NEDD4L: variants seen among roughly 807,000 people sequenced by gnomAD.
NEDD4L encodes the protein E3 ubiquitin-protein ligase NEDD4-like.
Under a neutral mutation model 148.9 loss-of-function variants are expected in NEDD4L, and 54 were observed. That is an observed-to-expected ratio of 0.36 (90% CI 0.29 to 0.45). The LOEUF (loss-of-function observed/expected upper bound fraction) is 0.45, where lower values mean the gene tolerates loss of function less well. Among genes scored for constraint, NEDD4L ranks in the 20% least tolerant of loss-of-function variants. The pLI, the probability that NEDD4L is intolerant of heterozygous loss-of-function variation, is 1.00. For synonymous variants in NEDD4L, 433 were observed against 440.7 expected (o/e 0.98, Z 0.22); for missense variants, 856 against 1,233.8 (o/e 0.69, Z 4.59).
intron 5 of NEDD4L, chr18:58,255,982 C>A: frequency 1.6e-6 from 2 of 1,230,862 alleles, no homozygotes; most frequent in Middle Eastern, 3.1e-4. Flanking sequence ...AGGGCGCCGA[C>A]GATGGGCCTC....
At position 58,316,026 on chromosome 18, in the gene NEDD4L, C is replaced by T. The variant is rs779541843; in HGVS notation, c.342C>T (p.His114=). 9 of 1,613,110 alleles carry T rather than the reference C, an allele frequency of 5.6e-6. No individual in the cohort carries two copies. The highest frequency in any genetic ancestry group is 6.8e-6 in the Non-Finnish European group (8 of 1,179,048). The change falls in exon 6 of 31, where the codon CAC becomes CAT. Residue 114 remains histidine (H), a synonymous_variant. Coordinates refer to ENST00000400345, the MANE Select transcript of NEDD4L (RefSeq NM_001144967.3). ...FLGQVDVPLS[H]LPTEDPTMER... ...GCCAGGTGGACGTGCCCCTTAGTCA[C>T]CTTCCGGTAAGGACAGTCTCATGTT... is the stretch of plus-strand genomic sequence containing the variant.
At chr18:58,195,469 A>T in intron 2 of NEDD4L, 11 of 1,334,038 alleles carry the variant, frequency 8.2e-6, no homozygotes, top group Non-Finnish European at 1.1e-5. Context: ...CAACCCAGAC[A>T]GGCTTAAGCC....
At chr18:58,222,142 T>C (rs1331226200) in intron 2 of NEDD4L, among the ~76,000 whole-genome samples, 1 of 152,212 alleles carries the variant, frequency 6.6e-6, no homozygotes, top group African/African-American at 2.4e-5. Flanking sequence ...ATGAATGAGG[T>C]TTTCTGTTTT....
At chr18:58,318,080 T>A (rs542582895) in intron 6 of NEDD4L, among the ~76,000 whole-genome samples, 2 of 152,332 alleles carry the variant, frequency 1.3e-5, no homozygotes, top group Admixed American at 6.5e-5. Context: ...ATGGGGAAAT[T>A]ACAGTGGCAT....
At position 58,061,408 on chromosome 18, in the gene NEDD4L, A is replaced by C. The variant is rs116824648; in HGVS notation, c.48+16700A>C. 2.7e-3 allele frequency among the ~76,000 whole-genome samples: 414 copies of C among 151,676 alleles called. 3 individuals carry two copies. Among genetic ancestry groups the C allele is most frequent in the African/African-American group, 9.2e-3 (380 of 41,322 alleles). The stretch of plus-strand genomic sequence containing the variant: ...GCAAGTCTTCCAGATGTCAGAATCT[A>C]CTCCTTCTGCTTACCCTGCTGCTTC... On this transcript the variant is annotated intron_variant, in intron 1 of 30. Transcript: ENST00000400345.
rs1191226455 is a variant in NEDD4L at position 58,342,937 on chromosome 18, T to C, written c.1409T>C (p.Val470Ala). 2 of 1,612,254 alleles carry C rather than the reference T, an allele frequency of 1.2e-6. No individual in the cohort carries two copies. The change falls in exon 16 of 31, where the codon GTG becomes GCG. Residue 470 changes from valine (V) to alanine (A), a missense_variant. Val to Ala is a moderately conservative substitution (Grantham distance 64). Coordinates refer to ENST00000400345, the MANE Select transcript of NEDD4L (RefSeq NM_001144967.3). ...GAKDSPVRRA[V>A]KDTLSNPQSP... ...AAGGACTCACCCGTACGTCGGGCTG[T>C]GAAAGACACCCTTTCCAACCCACAG...
At chr18:58,316,415 C>G (rs1601132532) in intron 6 of NEDD4L, among the ~76,000 whole-genome samples, 1 of 152,220 alleles carries the variant, frequency 6.6e-6, no homozygotes, top group African/African-American at 2.4e-5. Flanking sequence ...GATGTTTGCA[C>G]TCTTTGTCTG....
intron 11 of NEDD4L, 53 bp from the exon 12 acceptor site, chr18:58,333,765 T>G: frequency 7.7e-7 from 1 of 1,301,828 alleles, no homozygotes; most frequent in Non-Finnish European, 1.1e-6. Context: ...CCAATGAAAG[T>G]TGCTTTTAAG....
At chr18:58,267,984 T>G (rs1050691948) in intron 5 of NEDD4L, among the ~76,000 whole-genome samples, 1 of 152,046 alleles carries the variant, frequency 6.6e-6, no homozygotes, top group Non-Finnish European at 1.5e-5. Flanking sequence ...TTGCCCCTAC[T>G]GTGGGGGCCA....
chr18:58,212,663 G>T lies in NEDD4L; in HGVS notation c.123-32764G>T, dbSNP rs538065496. ...CTAGCCAATTTTTTGTGGAGACGAGGTTTCACCATATTGCTCAGGCTGGTC... is the reference window on the plus strand; with the variant it reads ...CTAGCCAATTTTTTGTGGAGACGAGTTTTCACCATATTGCTCAGGCTGGTC... On this transcript the variant is annotated intron_variant, in intron 2 of 30. Coordinates refer to ENST00000400345, the MANE Select transcript of NEDD4L (RefSeq NM_001144967.3). 3.9e-5 allele frequency among the ~76,000 whole-genome samples: 6 copies of T among 152,170 alleles called. No individual in the cohort carries two copies. In the East Asian group the frequency reaches 7.8e-4, roughly 20 times the overall value.
At chr18:58,245,180 T>C (rs759413680) in intron 2 of NEDD4L, among the ~76,000 whole-genome samples, 1 of 152,246 alleles carries the variant, frequency 6.6e-6, no homozygotes, top group Non-Finnish European at 1.5e-5. Context: ...TTGTAATCTT[T>C]TCAGACTCTG....
At chr18:58,268,364 T>C (rs1376630490) in intron 5 of NEDD4L, among the ~76,000 whole-genome samples, 1 of 151,964 alleles carries the variant, frequency 6.6e-6, no homozygotes, top group African/African-American at 2.4e-5. Flanking sequence ...TCTCAGTCAA[T>C]CTTCCCTAGA....
At chr18:58,255,963 G>C (rs931651034) in intron 5 of NEDD4L, 1 of 1,230,914 alleles carries the variant, frequency 8.1e-7, no homozygotes, top group Non-Finnish European at 1.0e-6. Context: ...GACGGGTGCG[G>C]GCCGCCCGAG....
intron 2 of NEDD4L, among the ~76,000 whole-genome samples, chr18:58,210,443 T>TTTTG (rs943007888): frequency 2.3e-4 from 35 of 152,052 alleles, no homozygotes; most frequent in African/African-American, 7.0e-4. Context: ...CCAGCTGAGG[T>TTTTG]TTTGTTTGTT....
intron 10 of NEDD4L, among the ~76,000 whole-genome samples, chr18:58,330,056 G>A (rs962380317): frequency 6.6e-6 from 1 of 152,090 alleles, no homozygotes; most frequent in Admixed American, 6.5e-5. Flanking sequence ...GTTATGGTAT[G>A]TTACTTAAAA....
intron 26 of NEDD4L, among the ~76,000 whole-genome samples, chr18:58,387,199 T>C (rs1242444358): frequency 1.3e-5 from 2 of 152,248 alleles, no homozygotes; most frequent in Non-Finnish European, 2.9e-5. Flanking sequence ...CATATTTTCA[T>C]CAGGTTTCAG....
chr18:58,113,219 G>A (rs1469644772), intron 1 of NEDD4L, among the ~76,000 whole-genome samples: 1 of 152,184 alleles, frequency 6.6e-6, no homozygotes, highest in East Asian at 1.9e-4. Flanking sequence ...TTGTATATTT[G>A]GTCAACACAC....
At chr18:58,279,238 C>G (rs1179964688) in intron 5 of NEDD4L, among the ~76,000 whole-genome samples, 2 of 152,080 alleles carry the variant, frequency 1.3e-5, no homozygotes, top group African/African-American at 4.8e-5. Context: ...AGCCCCTGCC[C>G]CCACAGAGCT....
intron 1 of NEDD4L, among the ~76,000 whole-genome samples, chr18:58,089,802 G>A (rs1299555285): frequency 2.0e-5 from 3 of 151,898 alleles, no homozygotes; most frequent in East Asian, 1.9e-4. Context: ...GTGTCTTCAC[G>A]GGGTCTTTAT....
Sources: gnomAD v4.1 joint callset for allele counts (sites outside exome capture counted in the v4.1 genomes callset) on GRCh38, gnomAD v4.1.1 for gene constraint, MANE v1.5 for transcripts, NCBI Gene and HGNC (gene_info 2026-07-23, HGNC 2026-07-21) for gene names.